Variants in PLXDC2 observed in about 807,000 individuals in gnomAD.
The protein encoded by PLXDC2 is plexin domain containing 2.
Under a neutral mutation model 68.9 loss-of-function variants are expected in PLXDC2, and 40 were observed. That is an observed-to-expected ratio of 0.58 (90% CI 0.45 to 0.76). PLXDC2 has a LOEUF of 0.76. PLXDC2 is among the 30% of genes least tolerant of loss of function. PLXDC2 has a pLI of 0.00. For synonymous variants in PLXDC2, 243 were observed against 234.2 expected, an observed-to-expected ratio of 1.04 and a Z score of -0.34; for missense variants, 644 against 661.9, an observed-to-expected ratio of 0.97 and a Z score of 0.30.
At chr10:19,836,801 C>T (rs748941086) in intron 1 of PLXDC2, among the ~76,000 whole-genome samples, 10 of 152,280 alleles carry the variant, frequency 6.6e-5, no homozygotes, top group South Asian at 2.1e-4. Context: ...ATAAGGAGAT[C>T]GGGAATTACA....
At chr10:20,158,501 CAAAAAAAAAAAAAAAA>C in intron 6 of PLXDC2, among the ~76,000 whole-genome samples, 1 of 118,750 alleles carries the variant, frequency 8.4e-6, no homozygotes, top group African/African-American at 3.1e-5. Flanking sequence ...TCTGTCTCTG[CAAAAAAAAAAAAAAAA>C]AAAAAAAAAA....
At chr10:19,977,714 T>G in intron 1 of PLXDC2, among the ~76,000 whole-genome samples, 1 of 152,058 alleles carries the variant, frequency 6.6e-6, no homozygotes, top group East Asian at 1.9e-4. Context: ...ATGGCTGCCT[T>G]CTTGCTGTAA....
chr10:20,190,337 A>G (rs1234313137), intron 9 of PLXDC2, among the ~76,000 whole-genome samples: 4 of 151,926 alleles, frequency 2.6e-5, no homozygotes, highest in African/African-American at 4.8e-5. Context: ...ATTAAAAGTT[A>G]ATTGTCCAAA....
At chr10:20,187,090 A>T (rs901057336) in intron 9 of PLXDC2, among the ~76,000 whole-genome samples, 2 of 151,884 alleles carry the variant, frequency 1.3e-5, no homozygotes, top group Non-Finnish European at 1.5e-5. Flanking sequence ...AAAAATCCCA[A>T]GAATACTATG....
At chr10:20,178,376 T>C (rs945118666) in intron 9 of PLXDC2, among the ~76,000 whole-genome samples, 2 of 152,134 alleles carry the variant, frequency 1.3e-5, no homozygotes, top group African/African-American at 2.4e-5. Context: ...TGTTATTTAC[T>C]CAACCATTTT....
chr10:19,823,792 G>C (rs1589485140), intron 1 of PLXDC2, among the ~76,000 whole-genome samples: 1 of 152,146 alleles, frequency 6.6e-6, no homozygotes, highest in East Asian at 1.9e-4. Context: ...TTGGAGACCA[G>C]CCTGGGCAAC....
chr10:19,912,078 C>T (rs1833282368), intron 1 of PLXDC2, among the ~76,000 whole-genome samples: 1 of 152,168 alleles, frequency 6.6e-6, no homozygotes, highest in African/African-American at 2.4e-5. Context: ...ATGTTACTTT[C>T]AATCACAGCA....
At chr10:20,197,097 T>C (rs1240692800) in intron 9 of PLXDC2, among the ~76,000 whole-genome samples, 2 of 152,154 alleles carry the variant, frequency 1.3e-5, no homozygotes, top group Admixed American at 6.6e-5. Flanking sequence ...ACTGGAAATA[T>C]AGCAGTGTTG....
rs550538004 is a variant in PLXDC2, at chr10:19,902,112, C to T, written c.112+84921C>T. On this transcript the variant is annotated intron_variant, in intron 1 of 13. Transcript: ENST00000377252. ...TTTGAAGTTCAGTAATGTGATGCCT[C>T]CAGATTTGTTCTTTTTGCTCAGTCT... Among the ~76,000 whole-genome samples the T allele has an allele frequency of 6.6e-5, 10 of 152,208 alleles. No individual in the cohort carries two copies. In the South Asian group the frequency reaches 2.1e-3, roughly 32 times the overall value.
chr10:20,249,942 T>G (rs1257215503), intron 13 of PLXDC2, among the ~76,000 whole-genome samples: 3 of 152,172 alleles, frequency 2.0e-5, no homozygotes, highest in Non-Finnish European at 4.4e-5. Flanking sequence ...AGTTAGTTCC[T>G]GTGCTAAACA....
chr10:20,236,610 A>G (rs1295731184), intron 12 of PLXDC2, among the ~76,000 whole-genome samples: 1 of 152,210 alleles, frequency 6.6e-6, no homozygotes, highest in African/African-American at 2.4e-5. Context: ...AAGAGCACAT[A>G]TACACATAAG....
intron 4 of PLXDC2, among the ~76,000 whole-genome samples, chr10:20,102,276 T>A (rs1833433926): frequency 6.6e-6 from 1 of 152,244 alleles, no homozygotes; most frequent in African/African-American, 2.4e-5. Flanking sequence ...ACATCTTACA[T>A]ATATTGATTA....
At chr10:20,165,229 G>A (rs1834358320) in intron 7 of PLXDC2, among the ~76,000 whole-genome samples, 1 of 151,734 alleles carries the variant, frequency 6.6e-6, no homozygotes, top group South Asian at 2.1e-4. Context: ...ATATATGTTT[G>A]GCTTAAGTGT....
chr10:20,251,943 G>T (rs1440809403), intron 13 of PLXDC2, among the ~76,000 whole-genome samples: 1 of 138,788 alleles, frequency 7.2e-6, no homozygotes, highest in Non-Finnish European at 1.6e-5. Context: ...ATATTGGAGG[G>T]TTAAAAAAAA....
intron 1 of PLXDC2, among the ~76,000 whole-genome samples, chr10:19,962,384 C>CTTTTTT: frequency 3.6e-5 from 1 of 27,744 alleles, no homozygotes; most frequent in Non-Finnish European, 5.9e-5. Context: ...CCCATCTTTA[C>CTTTTTT]TTTTTTTTTT....
intron 5 of PLXDC2, among the ~76,000 whole-genome samples, chr10:20,144,615 A>C (rs1834049124): frequency 6.6e-6 from 1 of 152,196 alleles, no homozygotes; most frequent in Non-Finnish European, 1.5e-5. Context: ...TGAGGTGCTA[A>C]CACCCAAGGA....
chr10:20,138,508 A>G (rs566459219), intron 4 of PLXDC2, among the ~76,000 whole-genome samples: 2 of 152,356 alleles, frequency 1.3e-5, no homozygotes, highest in Admixed American at 1.3e-4. Flanking sequence ...TATACTACCC[A>G]TGTGGCTTTA....
chr10:19,945,455 C>A (rs1008044237), intron 1 of PLXDC2, among the ~76,000 whole-genome samples: 3 of 152,180 alleles, frequency 2.0e-5, no homozygotes, highest in Non-Finnish European at 4.4e-5. Flanking sequence ...AATTGGATAC[C>A]ATCCTGGCAA....
At position 19,849,310 on chromosome 10, in the gene PLXDC2, G is replaced by GCT. The variant is rs540019119; in HGVS notation, c.112+32129_112+32130dup. Among the ~76,000 whole-genome samples, 161 of 92,726 alleles carry GCT rather than the reference G, an allele frequency of 1.7e-3. 3 individuals are homozygous for GCT. The South Asian group carries it at 0.054, about 31-fold the overall frequency. 60.8% of individuals were successfully genotyped at this position (92,726 alleles called of 152,430 possible). A position where few individuals can be genotyped will look rare whatever the true frequency, so the allele number is the denominator to read the frequency against. ...TATATGTAGACAAGTATTCTGTCTCGCTCTCTCTCTCACACATACACACAC... is the reference window on the plus strand; with the variant it reads ...TATATGTAGACAAGTATTCTGTCTCGCTCTCTCTCTCTCACACATACACACAC... On this transcript the variant is annotated intron_variant, in intron 1 of 13. Coordinates refer to ENST00000377252, the MANE Select transcript of PLXDC2 (RefSeq NM_032812.9).
Sources: gnomAD v4.1 joint callset for allele counts (sites outside exome capture counted in the v4.1 genomes callset) on GRCh38, gnomAD v4.1.1 for gene constraint, MANE v1.5 for transcripts, NCBI Gene and HGNC (gene_info 2026-07-23, HGNC 2026-07-21) for gene names.